MRM2: variants seen among roughly 807,000 people sequenced by gnomAD.
MRM2 encodes mitochondrial rRNA methyltransferase 2, also known as rRNA methyltransferase 2, mitochondrial.
In MRM2, 15 loss-of-function variants were observed where a neutral mutation model predicts 10.9. The ratio of observed to expected loss-of-function variants is 1.37; its 90% CI spans 0.92 to 2.11. The LOEUF (loss-of-function observed/expected upper bound fraction) is 2.11. MRM2 is among the 30% of genes most tolerant of loss of function. The probability of loss-of-function intolerance (pLI) is 0.00; values close to 1 mark genes in which losing one functional copy is unlikely to be tolerated. For synonymous variants in MRM2, 139 were observed against 128.7 expected (o/e 1.08, Z -0.54); for missense variants, 328 against 321.3 (o/e 1.02, Z -0.16).
chr7:2,236,083 A>T (rs1030934218), intron 2 of MRM2, among the ~76,000 whole-genome samples: 1 of 152,130 alleles, frequency 6.6e-6, no homozygotes, highest in African/African-American at 2.4e-5. Flanking sequence ...TACAAAAATT[A>T]GGCAGGCGTG....
Position 2,235,477 on chromosome 7 carries a change from T to A in MRM2, c.386A>T (p.Asp129Val), listed in dbSNP as rs1271300557. The change falls in exon 3 of 3, where the codon GAC becomes GTC. Residue 129 changes from aspartate to valine, a missense_variant. Coordinates refer to ENST00000242257, the MANE Select transcript of MRM2 (RefSeq NM_013393.3). ...CTGTGAGGTTCTCGGGTCAGTCACG[T>A]CAGCAGGGCACAGAAAAGTTGCTCC... Reference protein sequence around the residue: ...LEGATFLCPADVTDPRTSQRI... With the variant: ...LEGATFLCPAVVTDPRTSQRI... The A allele has an allele frequency of 6.2e-7, 1 of 1,613,962 alleles. No individual in the cohort carries two copies. The highest frequency in any genetic ancestry group is 1.1e-5 in the South Asian group (1 of 91,076).
intron 1 of MRM2, chr7:2,241,868 G>C (rs913884070): frequency 5.7e-5 from 23 of 404,534 alleles, no homozygotes; most frequent in Non-Finnish European, 8.3e-5. Context: ...CCCGCCCCGG[G>C]CTCGCCCCCG....
intron 2 of MRM2, 104 bp downstream of exon 2, chr7:2,239,313 CA>C: frequency 2.6e-6 from 3 of 1,169,742 alleles, no homozygotes; most frequent in Non-Finnish European, 3.8e-6. Context: ...CACACGCCTT[CA>C]AAAAAGGGCT....
rs1169643889 is a variant in MRM2 at position 2,242,184 on chromosome 7, C to A, written c.-15G>T. On this transcript the variant is annotated 5_prime_UTR_variant, in exon 1 of 3. Transcript: ENST00000242257. ...CACCCCGCCATTGGTGTTCCCCGCG[C>A]CTGCAGCGCGCCGCCGGAAGTGCCT... 18 of 1,579,992 alleles carry A rather than the reference C, an allele frequency of 1.1e-5. No homozygotes were observed. The East Asian group carries it at 1.9e-4, about 17-fold the overall frequency.
intron 1 of MRM2, 76 bp downstream of exon 1, chr7:2,242,086 A>G (rs1584630754): frequency 1.5e-5 from 22 of 1,500,642 alleles, no homozygotes; most frequent in Non-Finnish European, 1.9e-5. Context: ...CCCCGAGGCC[A>G]GGACCGAGGA....
rs758598633 is a variant in MRM2, at chr7:2,235,397, C to G, written c.466G>C (p.Ala156Pro). ...TCCCGGAACCCTGTGGCATTGGGCG[C>G]CATGTCGCTCAGAATCACATCTGCT... ...RRADVILSDM[A>P]PNATGFRDLD... Residue 156 changes from alanine to proline, a missense_variant, in exon 3 of 3, where the codon GCG becomes CCG. Physicochemically the swap from Ala to Pro is conservative, Grantham distance 27. Coordinates refer to ENST00000242257, the MANE Select transcript of MRM2 (RefSeq NM_013393.3). 6.2e-7 allele frequency: 1 copy of G among 1,614,102 alleles called. No homozygotes were observed. The highest frequency in any genetic ancestry group is 2.2e-5 in the East Asian group (1 of 44,876).
Position 2,234,484 on chromosome 7 carries a change from A to G in MRM2, c.*638T>C, listed in dbSNP as rs1454743749. 1 of 152,518 alleles carries G rather than the reference A, an allele frequency of 6.6e-6. No homozygotes were observed. The highest frequency in any genetic ancestry group is 1.5e-5 in the Non-Finnish European group (1 of 68,342). The allele number at this position is 152,518 out of a possible 1,614,324, so 9.4% of individuals were successfully genotyped here. ...CAGAAAGACAGAAGTTAATCCCCAG[A>G]TGGAAATTTCAGATTTTTCTTTTGG... On this transcript the variant is annotated 3_prime_UTR_variant, in exon 3 of 3. Transcript: ENST00000242257.
In MRM2 at chr7:2,235,548, A is replaced by C; in HGVS notation, c.315T>G (p.Val105=). 2 of 1,610,388 alleles carry C rather than the reference A, an allele frequency of 1.2e-6. No homozygotes were observed. Among genetic ancestry groups the C allele is most frequent in the Non-Finnish European group, 1.7e-6 (2 of 1,177,648 alleles). ...NAAGTDPSSP[V]GFVLGVDLLH... is the part of the protein sequence containing the mutation. Reference sequence around the variant, plus strand: ...GAAGATCTACCCCAAGCACGAAGCCAACAGGAGAGCTGGGATCTATGGAAG... The same window carrying C: ...GAAGATCTACCCCAAGCACGAAGCCCACAGGAGAGCTGGGATCTATGGAAG... Residue 105 remains valine, a synonymous_variant, in exon 3 of 3, where the codon GTT becomes GTG. Transcript: ENST00000242257.
chr7:2,237,895 A>C (rs1485432723), intron 2 of MRM2: 2 of 150,450 alleles, frequency 1.3e-5, no homozygotes, highest in Non-Finnish European at 3.0e-5. Context: ...TATAAACAAA[A>C]AAAAAAAAAA....
intron 2 of MRM2, chr7:2,239,006 T>TAAAAA (rs1794470650): frequency 4.8e-5 from 3 of 61,858 alleles, no homozygotes; most frequent in South Asian, 4.8e-4. Flanking sequence ...TATATATATA[T>TAAAAA]ATATATATAT....
Position 2,239,493 on chromosome 7 carries a change from G to A in MRM2, c.223C>T (p.Arg75Trp), listed in dbSNP as rs138541422. 43 of 1,613,794 alleles carry A rather than the reference G, an allele frequency of 2.7e-5. No homozygotes were observed. Among genetic ancestry groups the A allele is most frequent in the South Asian group, 7.7e-5 (7 of 91,092 alleles). Residue 75 changes from arginine to tryptophan, a missense_variant, in exon 2 of 3, where the codon CGG (arginine) becomes TGG (tryptophan). By Grantham distance (101) the Arg-to-Trp change is moderately radical (BLOSUM62 -3). Coordinates refer to ENST00000242257, the MANE Select transcript of MRM2 (RefSeq NM_013393.3). The part of the protein sequence containing the change: ...ERHQILRPGL[R>W]VLDCGAAPGA... ...GGAGCTGCCCCACAGTCTAACACCC[G>A]AAGGCCGGGCCGCAGAATCTGGTGC...
chr7:2,238,076 T>G (rs1794450718), intron 2 of MRM2: 1 of 152,124 alleles, frequency 6.6e-6, no homozygotes, highest in Admixed American at 6.5e-5. Flanking sequence ...TTCTGCACTT[T>G]CAACAAGTCA....
chr7:2,239,168 C>G, intron 2 of MRM2: 1 of 779,688 alleles, frequency 1.3e-6, no homozygotes, highest in Non-Finnish European at 2.4e-6. Flanking sequence ...CACCACCATG[C>G]TGGTGCTGGT....
intron 2 of MRM2, chr7:2,239,067 C>A: frequency 1.5e-5 from 10 of 688,222 alleles, no homozygotes; most frequent in Non-Finnish European, 2.5e-5. Context: ...AAAATAGCTC[C>A]AATAGGCTGC....
At chr7:2,235,865 A>G (rs1044712604) in intron 2 of MRM2, among the ~76,000 whole-genome samples, 2 of 152,216 alleles carry the variant, frequency 1.3e-5, no homozygotes, top group African/African-American at 2.4e-5. Context: ...CAAATCTGGT[A>G]TCATTTCACT....
chr7:2,238,106 T>C (rs1489554006), intron 2 of MRM2: 3 of 152,152 alleles, frequency 2.0e-5, no homozygotes, highest in African/African-American at 7.2e-5. Flanking sequence ...GAGCCTGTTT[T>C]CTCACCAATA....
At chr7:2,239,221 C>A (rs758220667) in intron 2 of MRM2, 197 bp downstream of exon 2, 2 of 793,862 alleles carry the variant, frequency 2.5e-6, no homozygotes, top group Admixed American at 3.4e-5. Flanking sequence ...ATGTTCACTG[C>A]ACCTTTCTAC....
chr7:2,236,742 G>A (rs1794425530), intron 2 of MRM2, among the ~76,000 whole-genome samples: 1 of 152,164 alleles, frequency 6.6e-6, no homozygotes, highest in Admixed American at 6.5e-5. Flanking sequence ...CTGTTAAGCA[G>A]ACTGAACAAG....
Position 2,239,610 on chromosome 7 carries a change from T to C in MRM2, c.106A>G (p.Thr36Ala). ...ACAAATGGGTCCCTGAGATGTCGGG[T>C]CAGCCACAGGTGCTCAGCGCCTGTC... ...NRTGAEHLWLTRHLRDPFVKA... is the reference protein window; with the variant it reads ...NRTGAEHLWLARHLRDPFVKA... The change falls in exon 2 of 3, where the codon ACC (threonine) becomes GCC (alanine). Residue 36 changes from threonine (T) to alanine (A), a missense_variant. Physicochemically the swap from Thr to Ala is moderately conservative, Grantham distance 58. Coordinates refer to ENST00000242257, the MANE Select transcript of MRM2 (RefSeq NM_013393.3). 1 of 1,614,058 alleles carries C rather than the reference T, an allele frequency of 6.2e-7. No homozygotes were observed. The highest frequency in any genetic ancestry group is 8.5e-7 in the Non-Finnish European group (1 of 1,180,022).
Sources: allele counts gnomAD v4.1 joint callset (sites outside exome capture counted in the v4.1 genomes callset), GRCh38; gene constraint gnomAD v4.1.1; transcripts MANE v1.5; gene names NCBI Gene and HGNC (gene_info 2026-07-23, HGNC 2026-07-21).